Variants in TSHZ2 observed in about 807,000 individuals in gnomAD.
The protein encoded by TSHZ2 is teashirt homolog 2.
Under a neutral mutation model 74.4 loss-of-function variants are expected in TSHZ2, and 21 were observed. That is an observed-to-expected ratio of 0.28 (90% CI 0.20 to 0.41). The LOEUF (loss-of-function observed/expected upper bound fraction) is 0.41. TSHZ2 is among the 10% of genes least tolerant of loss of function. The probability of loss-of-function intolerance (pLI) is 1.00; values close to 1 mark genes in which losing one functional copy is unlikely to be tolerated. For synonymous variants in TSHZ2, 540 were observed against 515.3 expected, an observed-to-expected ratio of 1.05 and a Z score of -0.65; for missense variants, 1,244 against 1,293.5, an observed-to-expected ratio of 0.96 and a Z score of 0.59.
intron 1 of TSHZ2, among the ~76,000 whole-genome samples, chr20:53,200,717 G>T (rs1479071578): frequency 6.6e-6 from 1 of 152,180 alleles, no homozygotes; most frequent in Non-Finnish European, 1.5e-5. Context: ...AGAAACTATA[G>T]TTGGTACCGA....
At chr20:53,246,565 C>G (rs941316123) in intron 1 of TSHZ2, among the ~76,000 whole-genome samples, 5 of 152,190 alleles carry the variant, frequency 3.3e-5, no homozygotes, top group African/African-American at 9.6e-5. Flanking sequence ...CATCCAACTT[C>G]TCTCCATAAC....
chr20:53,444,441 G>A (rs1370966720), intron 2 of TSHZ2, among the ~76,000 whole-genome samples: 3 of 152,178 alleles, frequency 2.0e-5, no homozygotes, highest in Non-Finnish European at 4.4e-5. Flanking sequence ...GGCAAGAAAA[G>A]GAGAGAGTGA....
intron 2 of TSHZ2, among the ~76,000 whole-genome samples, chr20:53,470,089 A>G (rs1364350480): frequency 6.6e-6 from 1 of 152,024 alleles, no homozygotes; most frequent in Non-Finnish European, 1.5e-5. Flanking sequence ...TTATTTTGTG[A>G]CCTCCCTTTC....
intron 1 of TSHZ2, among the ~76,000 whole-genome samples, chr20:53,027,032 A>G (rs1983471180): frequency 6.6e-6 from 1 of 152,138 alleles, no homozygotes; most frequent in Non-Finnish European, 1.5e-5. Flanking sequence ...ATTTCATTAA[A>G]TAGTACTCTA....
At chr20:53,185,084 G>A (rs1988569709) in intron 1 of TSHZ2, among the ~76,000 whole-genome samples, 1 of 152,140 alleles carries the variant, frequency 6.6e-6, no homozygotes, top group Non-Finnish European at 1.5e-5. Flanking sequence ...AGGAACACGT[G>A]TTTTATCCAG....
chr20:53,416,479 T>C (rs1350467292), intron 2 of TSHZ2, among the ~76,000 whole-genome samples: 1 of 152,200 alleles, frequency 6.6e-6, no homozygotes, highest in African/African-American at 2.4e-5. Flanking sequence ...CTGTAGCCTC[T>C]ACCAGGAAAA....
chr20:53,162,516 C>T (rs1468619817), intron 1 of TSHZ2, among the ~76,000 whole-genome samples: 3 of 152,162 alleles, frequency 2.0e-5, no homozygotes, highest in Non-Finnish European at 4.4e-5. Context: ...GGGGATCGGT[C>T]GATGGGATCA....
chr20:53,235,133 G>A (rs1382205637), intron 1 of TSHZ2, among the ~76,000 whole-genome samples: 2 of 113,428 alleles, frequency 1.8e-5, no homozygotes, highest in South Asian at 3.6e-4. Context: ...TTTGTTGGGC[G>A]GGGCGGGGGG....
chr20:52,989,802 C>G (rs113312848), intron 1 of TSHZ2, among the ~76,000 whole-genome samples: 2 of 150,576 alleles, frequency 1.3e-5, no homozygotes, highest in Non-Finnish European at 3.0e-5. Context: ...ATTATTCTTT[C>G]GTATATGTTT....
At position 53,253,825 on chromosome 20, in the gene TSHZ2, G is replaced by C. The variant is rs1353430176; in HGVS notation, c.367G>C (p.Asp123His). The C allele has an allele frequency of 1.9e-6, 3 of 1,614,168 alleles. No individual in the cohort carries two copies. In the East Asian group the frequency reaches 6.7e-5, roughly 36 times the overall value. The change falls in exon 2 of 3, where the codon GAT (aspartate) becomes CAT (histidine). Residue 123 changes from aspartate to histidine, a missense_variant. Physicochemically the swap from Asp to His is moderately conservative, Grantham distance 81. Coordinates refer to ENST00000371497, the MANE Select transcript of TSHZ2 (RefSeq NM_173485.6). ...RLPNEAHNCMDKMTAVYANIL... is the reference protein window; with the variant it reads ...RLPNEAHNCMHKMTAVYANIL... ...TCCAAACGAAGCACACAATTGCATG[G>C]ATAAAATGACCGCTGTCTACGCCAA...
chr20:53,088,857 G>A (rs1221326705), intron 1 of TSHZ2, among the ~76,000 whole-genome samples: 1 of 152,126 alleles, frequency 6.6e-6, no homozygotes, highest in Non-Finnish European at 1.5e-5. Context: ...CACCTAGCTA[G>A]GAGGCTGCAG....
chr20:53,072,505 T>C (rs1331759277), intron 1 of TSHZ2, among the ~76,000 whole-genome samples: 1 of 152,204 alleles, frequency 6.6e-6, no homozygotes, highest in African/African-American at 2.4e-5. Flanking sequence ...AAAATAAAAT[T>C]GTCCTTCCTA....
At chr20:53,306,110 T>C (rs1467806739) in intron 2 of TSHZ2, among the ~76,000 whole-genome samples, 1 of 152,042 alleles carries the variant, frequency 6.6e-6, no homozygotes, top group East Asian at 1.9e-4. Flanking sequence ...CATCTTGGGG[T>C]CTCCATGGCT....
At chr20:53,368,902 C>G (rs1460699084) in intron 2 of TSHZ2, among the ~76,000 whole-genome samples, 1 of 152,076 alleles carries the variant, frequency 6.6e-6, no homozygotes, top group Non-Finnish European at 1.5e-5. Context: ...AGACAATAAA[C>G]AAATAAACAT....
At chr20:53,480,754 A>G (rs372235949) in intron 2 of TSHZ2, among the ~76,000 whole-genome samples, 1 of 152,060 alleles carries the variant, frequency 6.6e-6, no homozygotes, top group East Asian at 1.9e-4. Flanking sequence ...CATAAGAACA[A>G]CAGCAGAGAG....
chr20:52,989,117 G>A (rs1981879488), intron 1 of TSHZ2, among the ~76,000 whole-genome samples: 1 of 148,318 alleles, frequency 6.7e-6, no homozygotes, highest in Admixed American at 6.7e-5. Context: ...TCCTATCTGA[G>A]AGGGAGAATG....
At chr20:53,472,515 G>C (rs921856027) in intron 2 of TSHZ2, among the ~76,000 whole-genome samples, 1 of 152,146 alleles carries the variant, frequency 6.6e-6, no homozygotes, top group South Asian at 2.1e-4. Flanking sequence ...AAGTAGTTGT[G>C]AGATCTTCAC....
intron 1 of TSHZ2, among the ~76,000 whole-genome samples, chr20:53,186,143 T>G (rs1460573956): frequency 4.6e-5 from 7 of 152,252 alleles, no homozygotes; most frequent in African/African-American, 1.7e-4. Flanking sequence ...GGTGGAAGGC[T>G]GGGGCCAGCT....
intron 2 of TSHZ2, among the ~76,000 whole-genome samples, chr20:53,307,140 A>T (rs1978577579): frequency 1.3e-5 from 2 of 152,168 alleles, no homozygotes; most frequent in South Asian, 2.1e-4. Flanking sequence ...ATCCAGGGTC[A>T]CAGAATCGGC....
Sources: gnomAD v4.1 joint callset for allele counts (sites outside exome capture counted in the v4.1 genomes callset) on GRCh38, gnomAD v4.1.1 for gene constraint, MANE v1.5 for transcripts, NCBI Gene and HGNC (gene_info 2026-07-23, HGNC 2026-07-21) for gene names.